Variants in KLHL6 observed in about 807,000 individuals in gnomAD.
KLHL6 encodes the protein kelch like family member 6, also known as kelch-like protein 6.
A neutral mutation model predicts 58.6 loss-of-function variants in KLHL6; 41 were observed. The ratio of observed to expected loss-of-function variants is 0.70; its 90% confidence interval spans 0.55 to 0.91. The LOEUF (loss-of-function observed/expected upper bound fraction) is 0.91, where lower values mean the gene tolerates loss of function less well. Among genes scored for constraint, KLHL6 ranks in the 40% least tolerant of loss-of-function variants. The pLI is 0.00. For synonymous variants in KLHL6, 338 were observed against 322.7 expected (o/e 1.05, Z -0.51); for missense variants, 714 against 805.6 (o/e 0.89, Z 1.38).
intron 2 of KLHL6, among the ~76,000 whole-genome samples, chr3:183,514,262 G>C (rs1284859959): frequency 6.6e-6 from 1 of 152,116 alleles, no homozygotes; most frequent in African/African-American, 2.4e-5. Context: ...GGACTCCATT[G>C]CCTGAAACCA....
At position 183,490,094 on chromosome 3, in the gene KLHL6, G is replaced by A. The variant is rs910700231; in HGVS notation, c.*1833C>T. On this transcript the variant is annotated 3_prime_UTR_variant, in exon 7 of 7. Coordinates refer to ENST00000341319, the MANE Select transcript of KLHL6 (RefSeq NM_130446.4). ...CTCTTAACCTGTTTCTCCAGCTTGG[G>A]GATTAGAATGAATTTCCAGTGAGCT... 4 of 152,082 alleles carry A rather than the reference G, an allele frequency of 2.6e-5. 1 individual carries two copies. The highest frequency in any genetic ancestry group is 5.9e-5 in the Non-Finnish European group (4 of 68,030). 9.4% of individuals were successfully genotyped at this position (152,082 alleles called of 1,614,324 possible). A position where few individuals can be genotyped will look rare whatever the true frequency, so the allele number is the denominator to read the frequency against.
intron 1 of KLHL6, among the ~76,000 whole-genome samples, chr3:183,551,378 T>C (rs1712910319): frequency 6.6e-6 from 1 of 152,138 alleles, no homozygotes; most frequent in South Asian, 2.1e-4. Context: ...TGGTAGATTG[T>C]TTGATGCATT....
chr3:183,511,503 C>T (rs953226409), intron 2 of KLHL6, among the ~76,000 whole-genome samples: 4 of 152,168 alleles, frequency 2.6e-5, no homozygotes, highest in Admixed American at 6.5e-5. Flanking sequence ...AGACCCTTCA[C>T]GGGTGTCGGG....
intron 3 of KLHL6, among the ~76,000 whole-genome samples, chr3:183,505,441 T>A (rs925107374): frequency 6.6e-6 from 1 of 152,070 alleles, no homozygotes; most frequent in Non-Finnish European, 1.5e-5. Context: ...AGAAAGAAAG[T>A]CTCAAATCAG....
chr3:183,534,461 C>T (rs1049282540), intron 1 of KLHL6, among the ~76,000 whole-genome samples: 17 of 151,556 alleles, frequency 1.1e-4, no homozygotes, highest in Admixed American at 4.6e-4. Context: ...TGGAGTGCAG[C>T]GGCACGACCA....
At chr3:183,500,946 G>C (rs41412751) in intron 3 of KLHL6, among the ~76,000 whole-genome samples, 1 of 152,204 alleles carries the variant, frequency 6.6e-6, no homozygotes, top group African/African-American at 2.4e-5. Context: ...GCCACAAATA[G>C]TCAGACCAGC....
chr3:183,514,964 C>A (rs1366915875), intron 2 of KLHL6, among the ~76,000 whole-genome samples: 1 of 152,334 alleles, frequency 6.6e-6, no homozygotes, highest in African/African-American at 2.4e-5. Flanking sequence ...GCCACCATGC[C>A]CGGCCAGGGC....
chr3:183,553,111 C>G (rs143864282), intron 1 of KLHL6, among the ~76,000 whole-genome samples: 1 of 152,218 alleles, frequency 6.6e-6, no homozygotes, highest in East Asian at 1.9e-4. Context: ...AGGAAAGTCA[C>G]GTTGAAAATC....
At chr3:183,546,692 T>G (rs966881087) in intron 1 of KLHL6, among the ~76,000 whole-genome samples, 13 of 152,240 alleles carry the variant, frequency 8.5e-5, no homozygotes, top group Non-Finnish European at 4.4e-5. Context: ...CCAAGAAATC[T>G]GACTTATTAC....
At chr3:183,525,267 A>ACACACACACACACACACAC (rs1553811023) in intron 2 of KLHL6, among the ~76,000 whole-genome samples, 8,194 of 124,910 alleles carry the variant, frequency 0.066, 388 homozygotes, top group Non-Finnish European at 0.088. Flanking sequence ...CTCTAAAAAA[A>ACACACACACACACACACAC]AAACACACAC....
rs771022419 is a variant in KLHL6 at position 183,490,346 on chromosome 3, G to A, written c.*1581C>T. The A allele has an allele frequency of 1.3e-5, 2 of 152,110 alleles. No homozygotes were observed. The highest frequency in any genetic ancestry group is 4.8e-5 in the African/African-American group (2 of 41,418). The allele number at this position is 152,110 out of a possible 1,614,324, so 9.4% of individuals were successfully genotyped here. A position where few individuals can be genotyped will look rare whatever the true frequency, so the allele number is the denominator to read the frequency against. ...TCCTGTGTAGGCCAGCTGTGCTCAG[G>A]TGTTTACTTTTTTAATAAAACAGTA... On this transcript the variant is annotated 3_prime_UTR_variant, in exon 7 of 7. Coordinates refer to ENST00000341319, the MANE Select transcript of KLHL6 (RefSeq NM_130446.4).
intron 1 of KLHL6, among the ~76,000 whole-genome samples, chr3:183,528,588 C>A (rs984258896): frequency 1.3e-5 from 2 of 152,232 alleles, no homozygotes; most frequent in African/African-American, 2.4e-5. Flanking sequence ...TGCTCCCTCC[C>A]CACGGCTGGA....
chr3:183,521,214 T>G (rs1385565569), intron 2 of KLHL6: 1 of 152,658 alleles, frequency 6.6e-6, no homozygotes, highest in Admixed American at 6.5e-5. Context: ...GGGCACAGGA[T>G]TGGGGCTGGG....
At position 183,491,996 on chromosome 3, in the gene KLHL6, G is replaced by T; in HGVS notation, c.1797C>A (p.His599Gln). Residue 599 changes from histidine to glutamine, a missense_variant, in exon 7 of 7, where the codon CAC becomes CAA. Around this residue, in one of 2 missense-constraint regions of KLHL6, gnomAD observed 510 missense variants for 629.7 expected, o/e 0.81. Transcript: ENST00000341319. ...ECVLPRGVSH[H>Q]GSVTIRKSYT... Reference sequence around the variant, plus strand: ...ACGACTTCCTGATGGTGACGCTGCCGTGGTGCGACACGCCCCGGGGCAGGA... The same window carrying T: ...ACGACTTCCTGATGGTGACGCTGCCTTGGTGCGACACGCCCCGGGGCAGGA... 2 of 1,595,178 alleles carry T rather than the reference G, an allele frequency of 1.3e-6. No homozygotes were observed. The highest frequency in any genetic ancestry group is 1.7e-6 in the Non-Finnish European group (2 of 1,167,806).
chr3:183,497,861 A>G (rs374720106), intron 4 of KLHL6, among the ~76,000 whole-genome samples: 12 of 152,376 alleles, frequency 7.9e-5, no homozygotes, highest in Admixed American at 5.2e-4. Context: ...ATTTTTGTAA[A>G]AAATGAAAAC....
At chr3:183,514,918 C>T (rs1220853511) in intron 2 of KLHL6, among the ~76,000 whole-genome samples, 1 of 152,282 alleles carries the variant, frequency 6.6e-6, no homozygotes, top group African/African-American at 2.4e-5. Context: ...GATCTGCCCA[C>T]CTCGGCCTCC....
chr3:183,537,133 G>A (rs978781477), intron 1 of KLHL6, among the ~76,000 whole-genome samples: 6 of 152,170 alleles, frequency 3.9e-5, no homozygotes, highest in Non-Finnish European at 5.9e-5. Flanking sequence ...ATTCCTCATA[G>A]ACTATACTCC....
intron 2 of KLHL6, among the ~76,000 whole-genome samples, chr3:183,525,926 A>T (rs1399877242): frequency 6.6e-6 from 1 of 152,284 alleles, no homozygotes; most frequent in African/African-American, 2.4e-5. Flanking sequence ...TATGAAGAAC[A>T]GCAGGACACT....
At chr3:183,493,735 A>T (rs1340341549) in intron 5 of KLHL6, 1 of 309,910 alleles carries the variant, frequency 3.2e-6, no homozygotes, top group Non-Finnish European at 6.1e-6. Context: ...AGAATAGGAG[A>T]GAAGGCATCT....
Sources: allele counts gnomAD v4.1 joint callset (sites outside exome capture counted in the v4.1 genomes callset), GRCh38; gene constraint gnomAD v4.1.1; regional missense constraint gnomAD v4.1.1; transcripts MANE v1.5; gene names NCBI Gene and HGNC (gene_info 2026-07-23, HGNC 2026-07-21).